Variants in ZBTB20 observed in about 807,000 individuals in gnomAD.
ZBTB20 encodes zinc finger and BTB domain-containing protein 20.
ZBTB20 carries 9 observed loss-of-function variants against 56.9 expected under a neutral mutation model. The ratio of observed to expected loss-of-function variants is 0.16; its 90% CI spans 0.10 to 0.28. The LOEUF is 0.28. ZBTB20 is among the 10% of genes least tolerant of loss of function. The pLI is 1.00. For synonymous variants in ZBTB20, 417 were observed against 420.7 expected, an observed-to-expected ratio of 0.99 and a Z score of 0.11; for missense variants, 655 against 1,003.0, an observed-to-expected ratio of 0.65 and a Z score of 4.69.
intron 5 of ZBTB20, among the ~76,000 whole-genome samples, chr3:114,748,349 CT>C (rs1170070270): frequency 0.041 from 739 of 18,018 alleles, 6 homozygotes; most frequent in East Asian, 0.11. Flanking sequence ...TTCTTTCTTT[CT>C]TTTCTCTCTC....
intron 3 of ZBTB20, among the ~76,000 whole-genome samples, chr3:114,917,092 T>A (rs1183191584): frequency 6.6e-6 from 1 of 152,134 alleles, no homozygotes; most frequent in African/African-American, 2.4e-5. Flanking sequence ...CTAAATATGT[T>A]TTCAAACAGT....
chr3:115,016,716 T>A (rs1156972280), intron 2 of ZBTB20, among the ~76,000 whole-genome samples: 1 of 151,888 alleles, frequency 6.6e-6, no homozygotes, highest in Non-Finnish European at 1.5e-5. Context: ...TACTGTAGCC[T>A]TGTAGTGTAG....
chr3:114,809,136 T>A (rs1330176814), intron 4 of ZBTB20, among the ~76,000 whole-genome samples: 2 of 152,082 alleles, frequency 1.3e-5, no homozygotes, highest in African/African-American at 4.8e-5. Flanking sequence ...AAAGTTTGAC[T>A]ATAATGTGTC....
chr3:114,400,359 T>C (rs1395314237), intron 7 of ZBTB20, among the ~76,000 whole-genome samples: 1 of 152,188 alleles, frequency 6.6e-6, no homozygotes, highest in Admixed American at 6.5e-5. Context: ...GAGGCTAAAA[T>C]AAGCTGATCC....
intron 2 of ZBTB20, among the ~76,000 whole-genome samples, chr3:114,997,680 T>C (rs892632790): frequency 2.0e-5 from 3 of 151,742 alleles, no homozygotes; most frequent in Non-Finnish European, 2.9e-5. Context: ...CTGCAAAATT[T>C]CTAAAAAAGT....
chr3:115,051,788 T>C (rs545251986), intron 2 of ZBTB20, among the ~76,000 whole-genome samples: 1 of 152,278 alleles, frequency 6.6e-6, no homozygotes, highest in South Asian at 2.1e-4. Context: ...GGGTAGTTTA[T>C]GAAGAAAAGA....
intron 10 of ZBTB20, among the ~76,000 whole-genome samples, chr3:114,369,356 G>C (rs1256335903): frequency 6.6e-6 from 1 of 152,094 alleles, no homozygotes; most frequent in African/African-American, 2.4e-5. Flanking sequence ...TTTAGAATTG[G>C]AGAGGAAAGG....
chr3:114,625,676 G>A lies in ZBTB20; in HGVS notation c.-295+67852C>T, dbSNP rs188441598. On this transcript the variant is annotated intron_variant, in intron 6 of 11. Transcript: ENST00000675478. The stretch of plus-strand genomic sequence containing the variant: ...TAATGATAAAACATAGGGGAACTAT[G>A]ACACTGTGACCATATTTCTACTCAA... 4.3e-3 allele frequency among the ~76,000 whole-genome samples: 661 copies of A among 152,172 alleles called. 4 individuals are homozygous for A. Among genetic ancestry groups the A allele is most frequent in the Non-Finnish European group, 3.7e-3 (250 of 67,998 alleles).
At position 114,380,325 on chromosome 3, in the gene ZBTB20, G is replaced by C. The variant is rs2084166086; in HGVS notation, c.91C>G (p.Pro31Ala). ...ITQPGGSSAK[P>A]GLPCLNFEAV... The stretch of plus-strand genomic sequence containing the variant: ...TCAAAGTTCAGGCAGGGAAGGCCCG[G>C]CTTGGCGCTGGATCCACCCGGCTGA... The change falls in exon 10 of 12, where the codon CCG (proline) becomes GCG (alanine). Residue 31 changes from proline to alanine, a missense_variant. Around this residue, in one of 10 missense-constraint regions of ZBTB20, gnomAD observed 79 missense variants for 78.4 expected, o/e 1.01. Coordinates refer to ENST00000675478, the MANE Select transcript of ZBTB20 (RefSeq NM_001348800.3). 2 of 1,537,192 alleles carry C rather than the reference G, an allele frequency of 1.3e-6. No individual in the cohort carries two copies. The highest frequency in any genetic ancestry group is 1.7e-6 in the Non-Finnish European group (2 of 1,146,882).
chr3:114,416,168 A>G (rs892715554), intron 7 of ZBTB20, among the ~76,000 whole-genome samples: 2 of 152,070 alleles, frequency 1.3e-5, no homozygotes, highest in Admixed American at 6.6e-5. Flanking sequence ...TGGTACACCC[A>G]GGGATTTAGG....
intron 7 of ZBTB20, among the ~76,000 whole-genome samples, chr3:114,426,494 C>G (rs189043848): frequency 8.5e-5 from 13 of 152,242 alleles, no homozygotes; most frequent in Admixed American, 1.3e-4. Context: ...GCACTGAAAG[C>G]CCCCTCCCTG....
intron 1 of ZBTB20, among the ~76,000 whole-genome samples, chr3:115,114,224 G>T (rs560715023): frequency 6.6e-6 from 1 of 151,894 alleles, no homozygotes. Flanking sequence ...CTACGTCTTG[G>T]CTTGGTTTTA....
intron 3 of ZBTB20, among the ~76,000 whole-genome samples, chr3:114,910,260 T>C (rs1036076244): frequency 3.3e-5 from 5 of 151,796 alleles, no homozygotes; most frequent in Non-Finnish European, 5.9e-5. Context: ...ATATCACATA[T>C]GTGGTTAGAA....
In ZBTB20 at chr3:114,335,446, T is replaced by TCAA. The variant is rs2079420082; in HGVS notation, c.*3558_*3559insTTG. The TCAA allele has an allele frequency of 6.6e-6, 1 of 152,236 alleles. No individual in the cohort carries two copies. Among genetic ancestry groups the TCAA allele is most frequent in the Non-Finnish European group, 1.5e-5 (1 of 68,028 alleles). The allele number at this position is 152,236 out of a possible 1,614,324, so 9.4% of individuals were successfully genotyped here. On this transcript the variant is annotated 3_prime_UTR_variant, in exon 12 of 12. Transcript: ENST00000675478. Reference sequence around the variant, plus strand: ...CTATTTCTAAAGATATTTGTGATTGTTTAACTTAAAAGTGAGAATTGACAA... The same window carrying TCAA: ...CTATTTCTAAAGATATTTGTGATTGTCAATTAACTTAAAAGTGAGAATTGACAA...
chr3:114,440,059 G>A (rs1288072364), intron 7 of ZBTB20, among the ~76,000 whole-genome samples: 1 of 151,432 alleles, frequency 6.6e-6, no homozygotes, highest in Non-Finnish European at 1.5e-5. Context: ...ATTTTCAAGT[G>A]TTTTAACAAA....
rs926304838 is a variant in ZBTB20 at position 114,324,447 on chromosome 3, T to C, written c.*14558A>G. ...ACATAAATAGGTACACTAGGAGCAC[T>C]CACTTTTCTACATTGATCACTTTTT... On this transcript the variant is annotated 3_prime_UTR_variant, in exon 12 of 12. Coordinates refer to ENST00000675478, the MANE Select transcript of ZBTB20 (RefSeq NM_001348800.3). The C allele has an allele frequency of 6.6e-6, 1 of 152,074 alleles. No individual in the cohort carries two copies. The highest frequency in any genetic ancestry group is 2.4e-5 in the African/African-American group (1 of 41,424). 9.4% of individuals were successfully genotyped at this position (152,074 alleles called of 1,614,324 possible). A position where few individuals can be genotyped will look rare whatever the true frequency, so the allele number is the denominator to read the frequency against.
intron 3 of ZBTB20, among the ~76,000 whole-genome samples, chr3:114,932,464 C>A (rs2076392788): frequency 6.6e-6 from 1 of 152,226 alleles, no homozygotes; most frequent in African/African-American, 2.4e-5. Flanking sequence ...TTATCATATA[C>A]AATTGTTTGA....
chr3:114,599,733 AGAAAACCCAGGCATAGAAATGTT>A lies in ZBTB20; in HGVS notation c.-295+93772_-295+93794del, dbSNP rs535604071. On this transcript the variant is annotated intron_variant, in intron 6 of 11. Transcript: ENST00000675478. ...TGCTGTTATTCCCATTTTATAGATG[AGAAAACCCAGGCATAGAAATGTT>A]GAAAAACTTGCCCAATGTCACAAAT... is the stretch of plus-strand genomic sequence containing the variant. Among the ~76,000 whole-genome samples the A allele has an allele frequency of 2.4e-4, 37 of 152,160 alleles. 1 individual carries two copies. In the South Asian group the frequency reaches 7.5e-3, roughly 31 times the overall value.
At chr3:115,054,600 A>C (rs1348759850) in intron 2 of ZBTB20, among the ~76,000 whole-genome samples, 1 of 152,130 alleles carries the variant, frequency 6.6e-6, no homozygotes, top group Non-Finnish European at 1.5e-5. Context: ...GAAAATTAAT[A>C]ATGCATAATT....
Sources: allele counts gnomAD v4.1 joint callset (sites outside exome capture counted in the v4.1 genomes callset), GRCh38; gene constraint gnomAD v4.1.1; regional missense constraint gnomAD v4.1.1; transcripts MANE v1.5; gene names NCBI Gene and HGNC (gene_info 2026-07-23, HGNC 2026-07-21).